ARAP1: variants seen among roughly 807,000 people sequenced by gnomAD.
The protein encoded by ARAP1 is arf-GAP with Rho-GAP domain, ANK repeat and PH domain-containing protein 1.
ARAP1 carries 76 observed loss-of-function variants against 172.2 expected under a neutral mutation model. The observed-to-expected ratio is 0.44, with a 90% CI of 0.37 to 0.53. The LOEUF (loss-of-function observed/expected upper bound fraction) is 0.53, where lower values mean the gene tolerates loss of function less well. ARAP1 is among the 20% of genes least tolerant of loss of function. ARAP1 has a pLI of 0.00. For missense variants in ARAP1, 1,686 were observed against 1,977.5 expected (o/e 0.85, Z 2.80); for synonymous variants, 804 against 803.3 (o/e 1.00, Z -0.01).
At position 72,693,951 on chromosome 11, in the gene ARAP1, ACCCTTCCC is replaced by A; in HGVS notation, c.3695-154_3695-147del. ...GACACAAAACACCACCATCATGACC[ACCCTTCCC>A]ATGACCAAGCTTCAGGCTTGACACA... is the stretch of plus-strand genomic sequence containing the variant. On this transcript the variant is annotated intron_variant, in intron 27 of 34. Transcript: ENST00000393609. This position sits in a 1 kb window ranked among gnomAD's most constrained non-coding sequence, Gnocchi z 4.6. 1.6e-6 allele frequency: 1 copy of A among 631,658 alleles called. No individual in the cohort carries two copies. The highest frequency in any genetic ancestry group is 3.1e-5 in the East Asian group (1 of 32,746). 39.1% of individuals were successfully genotyped at this position (631,658 alleles called of 1,614,324 possible).
At chr11:72,696,016 T>TC in intron 23 of ARAP1, 151 bp from the exon 24 acceptor site, 1 of 1,022,344 alleles carries the variant, frequency 9.8e-7, no homozygotes, top group East Asian at 2.6e-5. Context: ...ATATCTTGGG[T>TC]CCTGGTAGGA....
chr11:72,702,645 C>T (rs1005218818), intron 15 of ARAP1, among the ~76,000 whole-genome samples: 9 of 152,230 alleles, frequency 5.9e-5, no homozygotes, highest in African/African-American at 2.2e-4. Context: ...CGCACAAACA[C>T]CAGCACAGCT....
intron 3 of ARAP1, among the ~76,000 whole-genome samples, chr11:72,718,790 G>A (rs1487262236): frequency 6.6e-6 from 1 of 152,138 alleles, no homozygotes; most frequent in Non-Finnish European, 1.5e-5. Context: ...TGACATGGTG[G>A]GTAGGCAAAA....
intron 1 of ARAP1, among the ~76,000 whole-genome samples, chr11:72,737,432 GTCCC>G (rs1858064693): frequency 6.6e-6 from 1 of 151,960 alleles, no homozygotes; most frequent in Admixed American, 6.6e-5. Flanking sequence ...CCCCTTCTCT[GTCCC>G]AGCCCAGCAA....
Position 72,685,455 on chromosome 11 carries a change from T to G in ARAP1, c.*209A>C. 1 of 642,520 alleles carries G rather than the reference T, an allele frequency of 1.6e-6. No individual in the cohort carries two copies. Among genetic ancestry groups the G allele is most frequent in the South Asian group, 1.9e-5 (1 of 52,830 alleles). The allele number at this position is 642,520 out of a possible 1,614,324, so 39.8% of individuals were successfully genotyped here. A position where few individuals can be genotyped will look rare whatever the true frequency, so the allele number is the denominator to read the frequency against. On this transcript the variant is annotated 3_prime_UTR_variant, in exon 35 of 35. Coordinates refer to ENST00000393609, the MANE Select transcript of ARAP1 (RefSeq NM_001040118.3). ...AAGAGGTCTGAACACCTGGACAGAGTTGGGAGAGGTTCCTGCCCAGGCTGA... is the reference window on the plus strand; with the variant it reads ...AAGAGGTCTGAACACCTGGACAGAGGTGGGAGAGGTTCCTGCCCAGGCTGA...
Position 72,699,129 on chromosome 11 carries a change from C to T in ARAP1, c.2439-22G>A, listed in dbSNP as rs770511668. The T allele has an allele frequency of 1.2e-6, 2 of 1,612,726 alleles. No individual in the cohort carries two copies. Among genetic ancestry groups the T allele is most frequent in the Non-Finnish European group, 1.7e-6 (2 of 1,179,022 alleles). On this transcript the variant is annotated intron_variant, in intron 17 of 34. Transcript: ENST00000393609. This position sits in a 1 kb window ranked among gnomAD's most constrained non-coding sequence, Gnocchi z 4.2. ...AAAGCTGCAAATACACAGGCCAGGA[C>T]TCAGGCCCACCTCATCCAGCACGGG...
At chr11:72,735,274 C>A (rs1215021611) in intron 1 of ARAP1, among the ~76,000 whole-genome samples, 1 of 151,998 alleles carries the variant, frequency 6.6e-6, no homozygotes, top group Non-Finnish European at 1.5e-5. Context: ...GAGCCACCAG[C>A]CTTTGGCCAT....
intron 3 of ARAP1, among the ~76,000 whole-genome samples, chr11:72,723,339 A>G (rs992248375): frequency 6.6e-6 from 1 of 152,032 alleles, no homozygotes; most frequent in Non-Finnish European, 1.5e-5. Flanking sequence ...TAATAATAAT[A>G]ATAGCAGGGG....
At chr11:72,728,410 A>T (rs928912476) in intron 2 of ARAP1, among the ~76,000 whole-genome samples, 12 of 152,052 alleles carry the variant, frequency 7.9e-5, no homozygotes, top group African/African-American at 2.4e-4. Flanking sequence ...GTGAAACCCC[A>T]TCTTTACTAG....
chr11:72,690,151 G>C (rs1452466275), intron 30 of ARAP1, among the ~76,000 whole-genome samples: 2 of 152,196 alleles, frequency 1.3e-5, no homozygotes, highest in Non-Finnish European at 2.9e-5. Context: ...AAGTCAGGCT[G>C]TGGGTGGGAG....
In ARAP1 at chr11:72,721,327, G is replaced by A. The variant is rs1356159542; in HGVS notation, c.509+5293C>T. Reference sequence around the variant, plus strand: ...ACAGCACCAGTCCTGGGGAGGAGGGGTAAGCAGCACACCATCTCCCCATCA... The same window carrying A: ...ACAGCACCAGTCCTGGGGAGGAGGGATAAGCAGCACACCATCTCCCCATCA... On this transcript the variant is annotated intron_variant, in intron 3 of 34. Coordinates refer to ENST00000393609, the MANE Select transcript of ARAP1 (RefSeq NM_001040118.3). 4.6e-5 allele frequency among the ~76,000 whole-genome samples: 7 copies of A among 152,216 alleles called. No homozygotes were observed. The East Asian group carries it at 1.3e-3, about 29-fold the overall frequency.
intron 16 of ARAP1, among the ~76,000 whole-genome samples, chr11:72,700,960 T>G (rs971198733): frequency 6.6e-6 from 1 of 152,156 alleles, no homozygotes; most frequent in Non-Finnish European, 1.5e-5. Context: ...ATCGCGCCAT[T>G]GCACTCCAGC....
At chr11:72,692,401 A>G (rs1855978251) in intron 30 of ARAP1, among the ~76,000 whole-genome samples, 1 of 152,194 alleles carries the variant, frequency 6.6e-6, no homozygotes, top group Non-Finnish European at 1.5e-5. Context: ...AACACTGTCC[A>G]GGGTTGGAAA....
intron 1 of ARAP1, 66 bp from the exon 2 acceptor site, chr11:72,732,663 G>C (rs894266638): frequency 6.6e-6 from 1 of 152,532 alleles, no homozygotes; most frequent in Admixed American, 6.5e-5. Flanking sequence ...CAGAGAAGGA[G>C]AGGGGAAGAG....
chr11:72,702,578 G>A (rs560260793), intron 15 of ARAP1, among the ~76,000 whole-genome samples: 5 of 152,270 alleles, frequency 3.3e-5, no homozygotes, highest in South Asian at 2.1e-4. Context: ...CTCTGCACAC[G>A]CATGTACTCC....
intron 12 of ARAP1, 29 bp from the exon 13 acceptor site, chr11:72,705,919 ACCTGGGCCC>A (rs1225482917): frequency 1.2e-6 from 2 of 1,610,984 alleles, no homozygotes; most frequent in South Asian, 2.2e-5. Flanking sequence ...ACCCAGAATC[ACCTGGGCCC>A]CCCCTTCACG....
chr11:72,715,423 C>T (rs1446928080), intron 3 of ARAP1, among the ~76,000 whole-genome samples: 1 of 152,138 alleles, frequency 6.6e-6, no homozygotes, highest in South Asian at 2.1e-4. Context: ...GTGGGGCTAC[C>T]GTGAAAGCAA....
At position 72,699,329 on chromosome 11, in the gene ARAP1, TC is replaced by T. The variant is rs1022058444; in HGVS notation, c.2438+87del. Reference sequence around the variant, plus strand: ...TTGCTGTGTGACTCTGCGGAGGTCCTCCCCTTCTCTGGGTCTATTTCCCTGT... The same window carrying T: ...TTGCTGTGTGACTCTGCGGAGGTCCTCCCTTCTCTGGGTCTATTTCCCTGT... On this transcript the variant is annotated intron_variant, in intron 17 of 34. Transcript: ENST00000393609. The surrounding 1 kb of genome is among the most constrained non-coding windows in gnomAD (Gnocchi z 4.2). 81 of 1,579,246 alleles carry T rather than the reference TC, an allele frequency of 5.1e-5. No individual in the cohort carries two copies. In the African/African-American group the frequency reaches 9.8e-4, roughly 19 times the overall value.
intron 1 of ARAP1, among the ~76,000 whole-genome samples, chr11:72,738,316 G>C (rs1858097060): frequency 6.6e-6 from 1 of 152,170 alleles, no homozygotes; most frequent in East Asian, 1.9e-4. Context: ...GCTCTCTCTT[G>C]AGGCCTCCCT....
Sources: allele counts gnomAD v4.1 joint callset (sites outside exome capture counted in the v4.1 genomes callset), GRCh38; gene constraint gnomAD v4.1.1; non-coding constraint Gnocchi (gnomAD v3.1); transcripts MANE v1.5; gene names NCBI Gene and HGNC (gene_info 2026-07-23, HGNC 2026-07-21).